The following RARS1 variants were observed in gnomAD, a reference collection of about 807,000 sequenced individuals.
The protein encoded by RARS1 is arginine--tRNA ligase, cytoplasmic.
Under a neutral mutation model 78.7 loss-of-function variants are expected in RARS1, and 75 were observed. That is an observed-to-expected ratio of 0.95 (90% confidence interval 0.79 to 1.15). The LOEUF is 1.15. Ranked by LOEUF, RARS1 falls within the 50% of genes most tolerant of loss-of-function variation. The pLI, the probability that RARS1 is intolerant of heterozygous loss-of-function variation, is 0.00. For missense variants in RARS1, 787 were observed against 787.5 expected (o/e 1.00, Z 0.01); for synonymous variants, 273 against 268.2 (o/e 1.02, Z -0.18).
At chr5:168,501,367 A>AT (rs35722978) in intron 8 of RARS1, among the ~76,000 whole-genome samples, 22,851 of 152,182 alleles carry the variant, frequency 0.15, 1,946 homozygotes, top group Non-Finnish European at 0.19. Flanking sequence ...TTCAGTAAAT[A>AT]TTGATCACTA....
intron 2 of RARS1, 144 bp from the exon 3 acceptor site, chr5:168,492,515 C>T (rs555913136): frequency 4.3e-4 from 274 of 642,030 alleles, no homozygotes; most frequent in Admixed American, 1.1e-3. Flanking sequence ...TAGCAAATCC[C>T]AGATTGAGGG....
chr5:168,497,334 CA>C lies in RARS1; in HGVS notation c.809del (p.Gln270ArgfsTer25). On this transcript the variant is annotated frameshift_variant, in exon 7 of 15. Transcript: ENST00000231572. LOFTEE classifies it high-confidence loss of function. Reference protein sequence around the residue: ...LTVSPPIGDLQVFYKESKKRF... With the variant: ...LTVSPPIGDLXVFYKESKKRF... ...AGTTTCACCTCCTATTGGGGATCTT[CA>C]GGTCTTTTATAAGGTTTGATACCAT... 1 of 1,579,542 alleles carries C rather than the reference CA, an allele frequency of 6.3e-7. No individual in the cohort carries two copies. Among genetic ancestry groups the C allele is most frequent in the Non-Finnish European group, 8.6e-7 (1 of 1,161,604 alleles).
chr5:168,516,999 T>G lies in RARS1; in HGVS notation c.1625+49T>G, dbSNP rs139569218. Reference sequence around the variant, plus strand: ...TATTGTGAATCAAATGAAAGCATATTTAGTTACTCAAAAATATTTTCTTTT... The same window carrying G: ...TATTGTGAATCAAATGAAAGCATATGTAGTTACTCAAAAATATTTTCTTTT... On this transcript the variant is annotated intron_variant, in intron 13 of 14. Transcript: ENST00000231572. The G allele has an allele frequency of 3.2e-3, 5,027 of 1,549,500 alleles. 14 individuals carry two copies. The highest frequency in any genetic ancestry group is 0.02 in the Middle Eastern group (117 of 5,760).
Position 168,492,820 on chromosome 5 carries a change from G to T in RARS1, c.342G>T (p.Gln114His), listed in dbSNP as rs2305728. 7.4e-6 allele frequency: 12 copies of T among 1,612,438 alleles called. No homozygotes were observed. The highest frequency in any genetic ancestry group is 8.5e-6 in the Non-Finnish European group (10 of 1,178,772). Residue 114 changes from glutamine (Q) to histidine (H), a missense_variant, in exon 3 of 15, where the codon CAG (glutamine) becomes CAT (histidine). Gln to His is a conservative substitution (Grantham distance 24). Coordinates refer to ENST00000231572, the MANE Select transcript of RARS1 (RefSeq NM_002887.4). ...PSQQAKFGDY[Q>H]CNSAMGISQM... ...AGCAGGCCAAGTTTGGGGACTATCA[G>T]TGTAATAGTGCTATGGGTATTTCTC... is the stretch of plus-strand genomic sequence containing the variant.
chr5:168,501,926 A>T (rs1205139574), intron 8 of RARS1, 75 bp from the exon 9 acceptor site: 1 of 1,527,358 alleles, frequency 6.5e-7, no homozygotes, highest in Non-Finnish European at 8.7e-7. Context: ...ATTTATTTCA[A>T]TGTAAGATGC....
At chr5:168,492,886 T>A (rs1758115238) in intron 3 of RARS1, 39 bp downstream of exon 3, 1 of 1,441,914 alleles carries the variant, frequency 6.9e-7, no homozygotes, top group Non-Finnish European at 9.5e-7. Context: ...TTGATTTTTT[T>A]AAGTATTATT....
chr5:168,502,385 T>TATATATA (rs34121907), intron 9 of RARS1, among the ~76,000 whole-genome samples: 8 of 93,144 alleles, frequency 8.6e-5, no homozygotes, highest in East Asian at 5.4e-4. Context: ...TATATATATA[T>TATATATA]TTTTTTTTTT....
chr5:168,507,877 CAAAA>C (rs1195791208), intron 11 of RARS1, among the ~76,000 whole-genome samples: 1 of 97,298 alleles, frequency 1.0e-5, no homozygotes, highest in Admixed American at 1.1e-4. Context: ...CCATATCTGC[CAAAA>C]AAAAAAAAAA....
chr5:168,509,451 C>T (rs1027152322), intron 11 of RARS1, among the ~76,000 whole-genome samples: 3 of 112,390 alleles, frequency 2.7e-5, no homozygotes, highest in Non-Finnish European at 3.7e-5. Flanking sequence ...CCCCCCCCCC[C>T]ACCAAAAAAA....
intron 5 of RARS1, 93 bp downstream of exon 5, chr5:168,494,743 A>T (rs904845076): frequency 6.7e-5 from 60 of 891,578 alleles, no homozygotes; most frequent in South Asian, 4.9e-4. Flanking sequence ...GCTACTTGGG[A>T]GGCTGAAGCA....
chr5:168,504,533 AAG>A (rs1758397647), intron 9 of RARS1, among the ~76,000 whole-genome samples: 1 of 148,232 alleles, frequency 6.7e-6, no homozygotes, highest in African/African-American at 2.5e-5. Context: ...AAAAAAAAAA[AAG>A]AAAAAAAAAT....
At chr5:168,500,444 TTC>T (rs1448534594) in intron 7 of RARS1, 145 bp from the exon 8 acceptor site, 2 of 731,654 alleles carry the variant, frequency 2.7e-6, no homozygotes, top group Non-Finnish European at 3.8e-6. Flanking sequence ...TGTAACAGTA[TTC>T]TCAACTATTG....
intron 12 of RARS1, among the ~76,000 whole-genome samples, chr5:168,511,441 C>T (rs1352641509): frequency 1.3e-5 from 2 of 151,882 alleles, no homozygotes; most frequent in African/African-American, 4.8e-5. Flanking sequence ...GAGAAGGTGC[C>T]ACACTCTTAA....
intron 13 of RARS1, 70 bp downstream of exon 13, chr5:168,517,020 C>CTT (rs35717210): frequency 1.1e-3 from 1,327 of 1,161,212 alleles, no homozygotes; most frequent in Admixed American, 6.4e-3. Context: ...AAAATATTTT[C>CTT]TTTTTTTTTT....
At chr5:168,487,426 G>A (rs1163743408) in intron 1 of RARS1, among the ~76,000 whole-genome samples, 1 of 152,154 alleles carries the variant, frequency 6.6e-6, no homozygotes, top group Non-Finnish European at 1.5e-5. Flanking sequence ...CAGGTGGGGA[G>A]GGATGGTAGG....
In RARS1 at chr5:168,516,760, GTT is replaced by G. The variant is rs775001658; in HGVS notation, c.1453-15_1453-14del. On this transcript the variant is annotated splice_polypyrimidine_tract_variant and intron_variant, in intron 12 of 14. Coordinates refer to ENST00000231572, the MANE Select transcript of RARS1 (RefSeq NM_002887.4). ...AGCAGTCAGTAAGCTATGAAATACT[GTT>G]TTGTTTTTCCCAAAGGTCTTAACTG... The G allele has an allele frequency of 1.2e-6, 2 of 1,613,234 alleles. No homozygotes were observed. Among genetic ancestry groups the G allele is most frequent in the Admixed American group, 3.3e-5 (2 of 59,984 alleles).
intron 12 of RARS1, among the ~76,000 whole-genome samples, chr5:168,516,514 A>G (rs1253551264): frequency 6.6e-6 from 1 of 152,220 alleles, no homozygotes; most frequent in Non-Finnish European, 1.5e-5. Flanking sequence ...AATACACTGG[A>G]AAAAGGTATT....
At chr5:168,494,497 G>A in intron 4 of RARS1, 53 bp from the exon 5 acceptor site, 1 of 1,599,528 alleles carries the variant, frequency 6.3e-7, no homozygotes, top group Non-Finnish European at 8.5e-7. Context: ...TTAGGAGCGA[G>A]TGATTATTCA....
chr5:168,514,007 C>T lies in RARS1; in HGVS notation c.1453-2771C>T, dbSNP rs140084126. On this transcript the variant is annotated intron_variant, in intron 12 of 14. Coordinates refer to ENST00000231572, the MANE Select transcript of RARS1 (RefSeq NM_002887.4). ...ACAGAACTGGAGAGGACCAGTGGGG[C>T]TGAGGGAGGAAATAAATAAAAATTA... 3.8e-3 allele frequency among the ~76,000 whole-genome samples: 576 copies of T among 152,264 alleles called. 1 individual carries two copies. The highest frequency in any genetic ancestry group is 0.013 in the African/African-American group (558 of 41,546).
Sources: gnomAD v4.1 joint callset for allele counts (sites outside exome capture counted in the v4.1 genomes callset) on GRCh38, gnomAD v4.1.1 for gene constraint, MANE v1.5 for transcripts, NCBI Gene and HGNC (gene_info 2026-07-23, HGNC 2026-07-21) for gene names.